Variants in DHRSX observed in about 807,000 individuals in gnomAD.
The protein encoded by DHRSX is dehydrogenase/reductase X-linked, also known as polyprenol dehydrogenase.
DHRSX carries 31 observed loss-of-function variants against 34.0 expected under a neutral mutation model. The ratio of observed to expected loss-of-function variants is 0.91; its 90% CI spans 0.69 to 1.23. DHRSX has a LOEUF of 1.23. Ranked by LOEUF, DHRSX falls within the 50% of genes most tolerant of loss-of-function variation. The pLI, the probability that DHRSX is intolerant of heterozygous loss-of-function variation, is 0.00. For missense variants in DHRSX, 414 were observed against 428.1 expected (o/e 0.97, Z 0.29); for synonymous variants, 201 against 183.8 (o/e 1.09, Z -0.76).
chrX:2,319,524 C>CA (rs1203652264), intron 3 of DHRSX, among the ~76,000 whole-genome samples: 9 of 118,676 alleles, frequency 7.6e-5, no homozygotes, highest in Admixed American at 5.4e-4. Context: ...GCCTCGGTGA[C>CA]AGAGTGAGAC....
chrX:2,448,428 C>A (rs1011130582), intron 1 of DHRSX, among the ~76,000 whole-genome samples: 1 of 152,032 alleles, frequency 6.6e-6, no homozygotes, highest in Admixed American at 6.6e-5. Flanking sequence ...GTTAATAATA[C>A]ATCGCATCTT....
At chrX:2,297,125 T>C (rs1175589261) in intron 3 of DHRSX, among the ~76,000 whole-genome samples, 1 of 152,034 alleles carries the variant, frequency 6.6e-6, no homozygotes, top group Admixed American at 6.5e-5. Flanking sequence ...TTTTTAAAAT[T>C]ATTTATGCAT....
In DHRSX at chrX:2,430,571, C is replaced by T. The variant is rs142210823; in HGVS notation, c.110-5267G>A. The stretch of plus-strand genomic sequence containing the variant: ...ACGCTCCTTCTACCCAATTCCTCGC[C>T]GTCTCTTTCTTCACAGGTGTGAGGC... On this transcript the variant is annotated intron_variant, in intron 1 of 6. Transcript: ENST00000334651. Among the ~76,000 whole-genome samples, 291 of 152,220 alleles carry T rather than the reference C, an allele frequency of 1.9e-3. 2 individuals are homozygous for T. Among genetic ancestry groups the T allele is most frequent in the African/African-American group, 6.7e-3 (278 of 41,548 alleles).
At chrX:2,430,909 C>G (rs1476201135) in intron 1 of DHRSX, among the ~76,000 whole-genome samples, 2 of 152,120 alleles carry the variant, frequency 1.3e-5, no homozygotes, top group Non-Finnish European at 2.9e-5. Context: ...GCTGTCATCT[C>G]AGCTACCCGG....
At chrX:2,357,139 G>A (rs2042864954) in intron 3 of DHRSX, among the ~76,000 whole-genome samples, 1 of 152,182 alleles carries the variant, frequency 6.6e-6, no homozygotes, top group African/African-American at 2.4e-5. Flanking sequence ...AGCTACTCAG[G>A]AGGCTGAGGC....
At chrX:2,349,812 C>CT (rs2042765629) in intron 3 of DHRSX, among the ~76,000 whole-genome samples, 2 of 150,966 alleles carry the variant, frequency 1.3e-5, no homozygotes, top group African/African-American at 4.9e-5. Context: ...GAGGCCGAGG[C>CT]GGGCGGATCA....
chrX:2,325,333 G>A (rs1176055453), intron 3 of DHRSX, among the ~76,000 whole-genome samples: 1 of 151,054 alleles, frequency 6.6e-6, no homozygotes, highest in Non-Finnish European at 1.5e-5. Flanking sequence ...CCATCTTCCC[G>A]GCAGGAACTA....
chrX:2,451,292 T>C (rs57963195), intron 1 of DHRSX, among the ~76,000 whole-genome samples: 10,392 of 149,932 alleles, frequency 0.069, 446 homozygotes, highest in African/African-American at 0.1. Flanking sequence ...CAGCCAGGGA[T>C]GCAAGCCCCT....
chrX:2,251,287 G>C (rs977773997), intron 5 of DHRSX, among the ~76,000 whole-genome samples: 1 of 152,160 alleles, frequency 6.6e-6, no homozygotes, highest in African/African-American at 2.4e-5. Context: ...TCTGCTAGCC[G>C]TGATAAAGAA....
Position 2,355,671 on chromosome X carries a change from C to T in DHRSX, c.286+53074G>A, listed in dbSNP as rs922362410. On this transcript the variant is annotated intron_variant, in intron 3 of 6. Coordinates refer to ENST00000334651, the MANE Select transcript of DHRSX (RefSeq NM_145177.3). ...TAAACGTTTAACAAAAGGGTTAATG[C>T]GGTAACATAATAAGAAGGGTGCCGG... is the stretch of plus-strand genomic sequence containing the variant. 5.9e-5 allele frequency among the ~76,000 whole-genome samples: 9 copies of T among 151,746 alleles called. 1 individual carries two copies. The highest frequency in any genetic ancestry group is 3.9e-4 in the East Asian group (2 of 5,168).
chrX:2,363,971 G>A (rs925049380), intron 3 of DHRSX, among the ~76,000 whole-genome samples: 2 of 134,836 alleles, frequency 1.5e-5, no homozygotes, highest in African/African-American at 4.9e-5. Context: ...AAAGGAGACG[G>A]CTGGGTGGGA....
chrX:2,276,534 C>A (rs1407691715), intron 4 of DHRSX, among the ~76,000 whole-genome samples: 1 of 152,102 alleles, frequency 6.6e-6, no homozygotes, highest in Non-Finnish European at 1.5e-5. Flanking sequence ...GGAAAATACG[C>A]AATACAATTA....
chrX:2,257,137 G>A (rs2041290709), intron 5 of DHRSX, among the ~76,000 whole-genome samples: 1 of 152,282 alleles, frequency 6.6e-6, no homozygotes, highest in Admixed American at 6.5e-5. Flanking sequence ...TGTATTTTTA[G>A]TAGAGATGGG....
At chrX:2,340,084 CAAG>C (rs2042621179) in intron 3 of DHRSX, among the ~76,000 whole-genome samples, 1 of 151,174 alleles carries the variant, frequency 6.6e-6, no homozygotes, top group African/African-American at 2.4e-5. Flanking sequence ...CAAACTAACA[CAAG>C]AACAGAAAAC....
rs191477834 is a variant in DHRSX at position 2,286,645 on chromosome X, C to T, written c.388+4857G>A. On this transcript the variant is annotated intron_variant, in intron 4 of 6. Transcript: ENST00000334651. ...GGGTATTCAACACAGCCTCCAAAAGCGAAGTCTCCAGCTCTTTTCTAGAAG... is the reference window on the plus strand; with the variant it reads ...GGGTATTCAACACAGCCTCCAAAAGTGAAGTCTCCAGCTCTTTTCTAGAAG... Among the ~76,000 whole-genome samples the T allele has an allele frequency of 1.6e-3, 247 of 151,634 alleles. 2 individuals carry two copies. The highest frequency in any genetic ancestry group is 5.7e-3 in the African/African-American group (237 of 41,310).
At chrX:2,479,421 G>C (rs1231487764) in intron 1 of DHRSX, among the ~76,000 whole-genome samples, 1 of 150,724 alleles carries the variant, frequency 6.6e-6, no homozygotes, top group Non-Finnish European at 1.5e-5. Context: ...TGTGCACACT[G>C]ACGACATTCC....
intron 1 of DHRSX, among the ~76,000 whole-genome samples, chrX:2,451,233 TAA>T (rs34552645): frequency 0.049 from 6,635 of 135,512 alleles, 203 homozygotes; most frequent in East Asian, 0.087. Context: ...ACTCCATCTT[TAA>T]AAAAAAAAAA....
chrX:2,282,766 A>AAGAGGG (rs2041734007), intron 4 of DHRSX, among the ~76,000 whole-genome samples: 2 of 89,382 alleles, frequency 2.2e-5, no homozygotes, highest in African/African-American at 4.3e-5. Flanking sequence ...AGAGGGGAGA[A>AAGAGGG]AGCGAGGGAG....
At chrX:2,263,231 T>C (rs757209453) in intron 5 of DHRSX, among the ~76,000 whole-genome samples, 10 of 152,144 alleles carry the variant, frequency 6.6e-5, no homozygotes, top group African/African-American at 2.2e-4. Flanking sequence ...GAAATCCTCA[T>C]CCCCCGTGAG....
Sources: gnomAD v4.1 joint callset for allele counts (sites outside exome capture counted in the v4.1 genomes callset) on GRCh38, gnomAD v4.1.1 for gene constraint, MANE v1.5 for transcripts, NCBI Gene and HGNC (gene_info 2026-07-23, HGNC 2026-07-21) for gene names.